Variants in DPF3 observed in about 807,000 individuals in gnomAD.
DPF3 encodes the protein double PHD fingers 3.
Under a neutral mutation model 56.8 loss-of-function variants are expected in DPF3, and 18 were observed. The ratio of observed to expected loss-of-function variants is 0.32; its 90% CI spans 0.22 to 0.47. The LOEUF (loss-of-function observed/expected upper bound fraction) is 0.47. Among genes scored for constraint, DPF3 ranks in the 20% least tolerant of loss-of-function variants. The pLI is 1.00. For missense variants in DPF3, 403 were observed against 488.8 expected (o/e 0.82, Z 1.65); for synonymous variants, 188 against 180.2 (o/e 1.04, Z -0.35).
Position 72,715,469 on chromosome 14 carries a change from G to A in DPF3, c.526-968C>T, listed in dbSNP as rs191044879. The stretch of plus-strand genomic sequence containing the variant: ...CTCCCAACCAAGGAAAGGGCCTGTC[G>A]GGGTCTTTGGGGACAGAGAGGAAGG... On this transcript the variant is annotated intron_variant, in intron 5 of 10. Transcript: ENST00000556509. 1.9e-3 allele frequency among the ~76,000 whole-genome samples: 283 copies of A among 152,218 alleles called. 1 individual carries two copies. The highest frequency in any genetic ancestry group is 6.4e-3 in the African/African-American group (265 of 41,512).
intron 1 of DPF3, among the ~76,000 whole-genome samples, chr14:72,812,832 A>C (rs1212953290): frequency 6.6e-6 from 1 of 152,206 alleles, no homozygotes; most frequent in Admixed American, 6.5e-5. Flanking sequence ...GTGACCAAAC[A>C]AAAGACGGGA....
intron 7 of DPF3, among the ~76,000 whole-genome samples, chr14:72,678,780 TG>T: frequency 6.6e-6 from 1 of 152,310 alleles, no homozygotes; most frequent in South Asian, 2.1e-4. Context: ...GGTTTTCTGT[TG>T]ATTAATGTTC....
chr14:72,632,850 G>A (rs1885249116), intron 8 of DPF3, among the ~76,000 whole-genome samples: 2 of 124,614 alleles, frequency 1.6e-5, no homozygotes, highest in Non-Finnish European at 3.4e-5. Flanking sequence ...AGAGGGGAGG[G>A]GGAAGGACAA....
At chr14:72,748,099 G>A (rs1256995117) in intron 3 of DPF3, among the ~76,000 whole-genome samples, 1 of 152,252 alleles carries the variant, frequency 6.6e-6, no homozygotes, top group East Asian at 1.9e-4. Context: ...GGACGGCTCA[G>A]AAGAAGACAG....
intron 7 of DPF3, among the ~76,000 whole-genome samples, chr14:72,683,811 T>A (rs1887277862): frequency 6.6e-6 from 1 of 152,032 alleles, no homozygotes; most frequent in Admixed American, 6.5e-5. Flanking sequence ...TCTTAAAAGC[T>A]CCCCTGGTAG....
chr14:72,755,426 T>C (rs561444810), intron 2 of DPF3, among the ~76,000 whole-genome samples: 37 of 152,220 alleles, frequency 2.4e-4, no homozygotes, highest in South Asian at 1.2e-3. Context: ...TTCCATTCTT[T>C]CTCTGCTGGA....
At chr14:72,891,037 T>C (rs780571055) in intron 1 of DPF3, among the ~76,000 whole-genome samples, 1 of 152,144 alleles carries the variant, frequency 6.6e-6, no homozygotes, top group Non-Finnish European at 1.5e-5. Context: ...GAGATGTGGC[T>C]TCAGGAGCTT....
In DPF3 at chr14:72,671,200, C is replaced by T. The variant is rs764813087; in HGVS notation, c.871+3040G>A. ...GCCACTGCGGCGTCCTCGACAGGAG[C>T]GAGGCTCTTCCAAATCGTCCTCATC... is the stretch of plus-strand genomic sequence containing the variant. On this transcript the variant is annotated intron_variant, in intron 8 of 10. Transcript: ENST00000556509. The T allele has an allele frequency of 5.6e-6, 9 of 1,614,000 alleles. No homozygotes were observed. In the South Asian group the frequency reaches 7.7e-5, roughly 14 times the overall value.
At position 72,615,141 on chromosome 14, in the gene DPF3, G is replaced by C. The variant is rs1884016814; in HGVS notation, c.*4156C>G. 6.6e-6 allele frequency among the ~76,000 whole-genome samples: 1 copy of C among 152,180 alleles called. No homozygotes were observed. Among genetic ancestry groups the C allele is most frequent in the African/African-American group, 2.4e-5 (1 of 41,448 alleles). Reference sequence around the variant, plus strand: ...GGGCAGCCGGGGAGTGAGAGAAGAAGGGGCTGCTTCTGTCCCAGCACTTCC... The same window carrying C: ...GGGCAGCCGGGGAGTGAGAGAAGAACGGGCTGCTTCTGTCCCAGCACTTCC... On this transcript the variant is annotated 3_prime_UTR_variant, in exon 11 of 11. Transcript: ENST00000556509.
At chr14:72,820,816 G>A (rs1218258584) in intron 1 of DPF3, among the ~76,000 whole-genome samples, 1 of 151,946 alleles carries the variant, frequency 6.6e-6, no homozygotes, top group Non-Finnish European at 1.5e-5. Flanking sequence ...GCAACATGAT[G>A]AAACTCCATC....
chr14:72,756,928 A>AAGAAAGAAAGAAGAGAAG (rs1428028523), intron 2 of DPF3, among the ~76,000 whole-genome samples: 22 of 139,048 alleles, frequency 1.6e-4, no homozygotes, highest in African/African-American at 6.8e-4. Flanking sequence ...GAAAGAAAGA[A>AAGAAAGAAAGAAGAGAAG]AGAAGAGAAG....
chr14:72,692,024 A>G (rs1438686596), intron 7 of DPF3, among the ~76,000 whole-genome samples: 1 of 152,230 alleles, frequency 6.6e-6, no homozygotes, highest in Non-Finnish European at 1.5e-5. Context: ...GAGACCCCAC[A>G]CTAATCTGAA....
intron 8 of DPF3, among the ~76,000 whole-genome samples, chr14:72,649,326 G>A (rs2153568400): frequency 6.6e-6 from 1 of 152,256 alleles, no homozygotes; most frequent in African/African-American, 2.4e-5. Context: ...CTTTATGGAG[G>A]CAGGAGGTGG....
intron 2 of DPF3, among the ~76,000 whole-genome samples, chr14:72,758,420 T>C (rs1363507301): frequency 6.6e-6 from 1 of 151,842 alleles, no homozygotes; most frequent in Admixed American, 6.6e-5. Flanking sequence ...CACGTTTGAG[T>C]TGAAGAGAAA....
chr14:72,823,243 C>A (rs1297547004), intron 1 of DPF3, among the ~76,000 whole-genome samples: 1 of 152,210 alleles, frequency 6.6e-6, no homozygotes, highest in African/African-American at 2.4e-5. Flanking sequence ...CAAGGGATGT[C>A]CCTAATTACT....
At position 72,619,052 on chromosome 14, in the gene DPF3, G is replaced by A. The variant is rs1447222911; in HGVS notation, c.*245C>T. On this transcript the variant is annotated 3_prime_UTR_variant, in exon 11 of 11. Transcript: ENST00000556509. ...GGGTTCCACAGGGCTGGGGCCGGAG[G>A]TGTTCTCCCAAAGTGCAACTTCCTT... Among the ~76,000 whole-genome samples the A allele has an allele frequency of 1.3e-5, 2 of 152,240 alleles. No individual in the cohort carries two copies. Among genetic ancestry groups the A allele is most frequent in the African/African-American group, 4.8e-5 (2 of 41,466 alleles).
intron 3 of DPF3, among the ~76,000 whole-genome samples, chr14:72,733,122 T>C (rs1889741032): frequency 6.6e-6 from 1 of 151,988 alleles, no homozygotes; most frequent in Non-Finnish European, 1.5e-5. Flanking sequence ...GATGCAAACC[T>C]AAGGTACAGG....
chr14:72,782,569 C>T (rs183087600), intron 1 of DPF3, among the ~76,000 whole-genome samples: 30 of 152,196 alleles, frequency 2.0e-4, no homozygotes, highest in Non-Finnish European at 3.5e-4. Context: ...GCACGGTGGC[C>T]CACGCCTGTA....
At chr14:72,725,723 G>A (rs929197390) in intron 4 of DPF3, among the ~76,000 whole-genome samples, 6 of 152,002 alleles carry the variant, frequency 3.9e-5, no homozygotes, top group African/African-American at 1.4e-4. Flanking sequence ...TGTTTAAGCC[G>A]CCTCCTGGAT....
Sources: allele counts gnomAD v4.1 joint callset (sites outside exome capture counted in the v4.1 genomes callset), GRCh38; gene constraint gnomAD v4.1.1; transcripts MANE v1.5; gene names NCBI Gene and HGNC (gene_info 2026-07-23, HGNC 2026-07-21).